Variants in KCNH6 observed in about 807,000 individuals in gnomAD.
KCNH6 encodes potassium voltage-gated channel subfamily H member 6, also known as voltage-gated inwardly rectifying potassium channel KCNH6.
In KCNH6, 81 loss-of-function variants were observed where a neutral mutation model predicts 83.4. The ratio of observed to expected loss-of-function variants is 0.97; its 90% confidence interval spans 0.81 to 1.17. The LOEUF (loss-of-function observed/expected upper bound fraction) is 1.17. KCNH6 is among the 50% of genes most tolerant of loss of function. The pLI is 0.00. For missense variants in KCNH6, 1,203 were observed against 1,290.5 expected (o/e 0.93, Z 1.04); for synonymous variants, 503 against 545.6 (o/e 0.92, Z 1.09).
rs929596321 is a variant in KCNH6 at position 63,534,506 on chromosome 17, C to T, written c.1101+195C>T. Reference sequence around the variant, plus strand: ...GAGAAGGACCTGCCAAGGCTGCACCCCCAGGCCTCTGTCCCTCTGCCCCCT... The same window carrying T: ...GAGAAGGACCTGCCAAGGCTGCACCTCCAGGCCTCTGTCCCTCTGCCCCCT... On this transcript the variant is annotated intron_variant, in intron 5 of 12. Coordinates refer to ENST00000314672, the MANE Select transcript of KCNH6 (RefSeq NM_001278919.2). This position sits in a 1 kb window ranked among gnomAD's most constrained non-coding sequence, Gnocchi z 5.0. 6.6e-6 allele frequency among the ~76,000 whole-genome samples: 1 copy of T among 152,148 alleles called. No homozygotes were observed. The highest frequency in any genetic ancestry group is 2.4e-5 in the African/African-American group (1 of 41,418).
chr17:63,539,497 C>G (rs2147708734), intron 8 of KCNH6, among the ~76,000 whole-genome samples: 1 of 152,334 alleles, frequency 6.6e-6, no homozygotes, highest in African/African-American at 2.4e-5. Context: ...TATTCCATTT[C>G]TTCCTGGGCA....
In KCNH6 at chr17:63,530,486, A is replaced by G. The variant is rs376314530; in HGVS notation, c.619A>G (p.Ile207Val). 6.8e-6 allele frequency: 11 copies of G among 1,613,570 alleles called. No homozygotes were observed. Among genetic ancestry groups the G allele is most frequent in the African/African-American group, 1.3e-5 (1 of 74,938 alleles). Reference protein sequence around the residue: ...RSSSTTEIEIIAPHKVVERTQ... With the variant: ...RSSSTTEIEIVAPHKVVERTQ... ...CAGCTCCACCACGGAGATTGAGATC[A>G]TCGCGCCCCATAAGGTGGTGGAGCG... The change falls in exon 4 of 13, where the codon ATC becomes GTC. Residue 207 changes from isoleucine (I) to valine (V), a missense_variant. Coordinates refer to ENST00000314672, the MANE Select transcript of KCNH6 (RefSeq NM_001278919.2).
intron 6 of KCNH6, among the ~76,000 whole-genome samples, chr17:63,537,186 T>C (rs1333790081): frequency 2.6e-5 from 4 of 152,096 alleles, no homozygotes; most frequent in Admixed American, 2.0e-4. Context: ...GGCACACAGC[T>C]AGGAAATGTC....
In KCNH6 at chr17:63,538,214, G is replaced by T. The variant is rs2032630979; in HGVS notation, c.1651G>T (p.Glu551Ter). 6.2e-7 allele frequency: 1 copy of T among 1,614,100 alleles called. No homozygotes were observed. The highest frequency in any genetic ancestry group is 1.7e-5 in the Admixed American group (1 of 60,008). Residue 551 changes from glutamate (E) to a stop codon, truncating the protein, a stop_gained, in exon 7 of 13, where the codon GAG (glutamate) becomes TAG (stop). Coordinates refer to ENST00000314672, the MANE Select transcript of KCNH6 (RefSeq NM_001278919.2). LOFTEE classifies it high-confidence loss of function. This position sits in a 1 kb window ranked among gnomAD's most constrained non-coding sequence, Gnocchi z 4.0. ...IPNPLRQRLE[E>*]YFQHAWSYTN... ...CAACCCACTGCGCCAGCGCCTGGAG[G>T]AGTATTTCCAGCACGCCTGGTCCTA... is the stretch of plus-strand genomic sequence containing the variant.
At chr17:63,526,347 T>C (rs1191009727) in intron 2 of KCNH6, among the ~76,000 whole-genome samples, 1 of 151,700 alleles carries the variant, frequency 6.6e-6, no homozygotes, top group Non-Finnish European at 1.5e-5. Flanking sequence ...TGTGCTCAGA[T>C]AACTGATGTT....
In KCNH6 at chr17:63,545,123, C is replaced by A. The variant is rs1006996785; in HGVS notation, c.2442C>A (p.Leu814=). 1.9e-6 allele frequency: 3 copies of A among 1,613,668 alleles called. No individual in the cohort carries two copies. The African/African-American group carries it at 4.0e-5, about 22-fold the overall frequency. The change falls in exon 12 of 13, where the codon CTC becomes CTA. Residue 814 remains leucine, a synonymous_variant. Coordinates refer to ENST00000314672, the MANE Select transcript of KCNH6 (RefSeq NM_001278919.2). ...VSSDLSRILQ[L]LQKPMPQGHA... The stretch of plus-strand genomic sequence containing the variant: ...CAGACCTCAGCCGCATCTTGCAGCT[C>A]CTCCAGAAGCCCATGCCCCAGGGCC...
chr17:63,527,222 T>C (rs1158492106), intron 2 of KCNH6, among the ~76,000 whole-genome samples: 1 of 152,200 alleles, frequency 6.6e-6, no homozygotes, highest in African/African-American at 2.4e-5. Context: ...GGCTGCTGTC[T>C]GCCCCCACCC....
In KCNH6 at chr17:63,538,212, A is replaced by C; in HGVS notation, c.1649A>C (p.Glu550Ala). The change falls in exon 7 of 13, where the codon GAG (glutamate) becomes GCG (alanine). Residue 550 changes from glutamate to alanine, a missense_variant. Physicochemically the swap from Glu to Ala is moderately radical, Grantham distance 107. Transcript: ENST00000314672. The surrounding 1 kb of genome is among the most constrained non-coding windows in gnomAD (Gnocchi z 4.0). ...QIPNPLRQRL[E>A]EYFQHAWSYT... is the part of the protein sequence containing the mutation. The stretch of plus-strand genomic sequence containing the variant: ...CCCAACCCACTGCGCCAGCGCCTGG[A>C]GGAGTATTTCCAGCACGCCTGGTCC... 2 of 1,614,148 alleles carry C rather than the reference A, an allele frequency of 1.2e-6. No individual in the cohort carries two copies. Among genetic ancestry groups the C allele is most frequent in the Non-Finnish European group, 1.7e-6 (2 of 1,180,018 alleles).
At chr17:63,543,545 C>T in intron 9 of KCNH6, 31 bp from the exon 10 acceptor site, 1 of 1,439,004 alleles carries the variant, frequency 6.9e-7, no homozygotes, top group East Asian at 2.3e-5. Context: ...AGCTTTGGTT[C>T]CTGTTATTTC....
chr17:63,526,131 A>G (rs2031695243), intron 2 of KCNH6, among the ~76,000 whole-genome samples: 1 of 152,150 alleles, frequency 6.6e-6, no homozygotes, highest in African/African-American at 2.4e-5. Context: ...GGAACCTAGG[A>G]ACCTTGTCTT....
Position 63,523,510 on chromosome 17 carries a change from G to T in KCNH6, c.76+21G>T. 1.3e-6 allele frequency: 2 copies of T among 1,592,834 alleles called. No individual in the cohort carries two copies. The highest frequency in any genetic ancestry group is 1.1e-5 in the South Asian group (1 of 89,696). On this transcript the variant is annotated intron_variant, in intron 1 of 12. Coordinates refer to ENST00000314672, the MANE Select transcript of KCNH6 (RefSeq NM_001278919.2). The surrounding 1 kb of genome is among the most constrained non-coding windows in gnomAD (Gnocchi z 4.2). ...CCAAAGTGAGTGTGTGTATGTTGGG[G>T]CGGGGGGACGATCTGGAGTCCTGGT... is the stretch of plus-strand genomic sequence containing the variant.
rs1456561493 is a variant in KCNH6 at position 63,542,535 on chromosome 17, C to T, written c.2148+101C>T. ...CCAACACCCTTCCTTTCAACCCCAT[C>T]CTGCAACCTTTGCCATAATTTCTTT... On this transcript the variant is annotated intron_variant, in intron 9 of 12. Transcript: ENST00000314672. The T allele has an allele frequency of 5.0e-6, 5 of 992,398 alleles. No individual in the cohort carries two copies. The African/African-American group carries it at 8.0e-5, about 16-fold the overall frequency. 61.5% of individuals were successfully genotyped at this position (992,398 alleles called of 1,614,324 possible). A position where few individuals can be genotyped will look rare whatever the true frequency, so the allele number is the denominator to read the frequency against.
At chr17:63,547,471 TAGC>T (rs2033171316), downstream of KCNH6, among the ~76,000 whole-genome samples, 1 of 410 alleles carries the variant, frequency 2.4e-3, no homozygotes, top group African/African-American at 0.014. Context: ...TCTACCCAAA[TAGC>T]AGCGATTTGA....
In KCNH6 at chr17:63,538,408, A is replaced by G. The variant is rs1836941624; in HGVS notation, c.1702-2A>G. 1 of 1,593,312 alleles carries G rather than the reference A, an allele frequency of 6.3e-7. No individual in the cohort carries two copies. The highest frequency in any genetic ancestry group is 8.5e-7 in the Non-Finnish European group (1 of 1,171,070). On this transcript the variant is annotated splice_acceptor_variant, in intron 7 of 12. Coordinates refer to ENST00000314672, the MANE Select transcript of KCNH6 (RefSeq NM_001278919.2). LOFTEE classifies it high-confidence loss of function. This position sits in a 1 kb window ranked among gnomAD's most constrained non-coding sequence, Gnocchi z 4.0. ...CGCTGGACTTGGCCGCCCGCCTTGC[A>G]GGTGCTGAAGGGCTTCCCCGAGTGC...
At position 63,533,996 on chromosome 17, in the gene KCNH6, C is replaced by T. The variant is rs150172127; in HGVS notation, c.786C>T (p.Leu262=). ...YSPFKAVWDW[L]ILLLVIYTAV... ...CCTTCAAGGCCGTGTGGGACTGGCT[C>T]ATCCTGCTGCTGGTCATCTACACGG... The change falls in exon 5 of 13, where the codon CTC becomes CTT. Residue 262 remains leucine (L), a synonymous_variant. Coordinates refer to ENST00000314672, the MANE Select transcript of KCNH6 (RefSeq NM_001278919.2). The surrounding 1 kb of genome is among the most constrained non-coding windows in gnomAD (Gnocchi z 4.1). 1.8e-5 allele frequency: 29 copies of T among 1,614,020 alleles called. No individual in the cohort carries two copies. Among genetic ancestry groups the T allele is most frequent in the Non-Finnish European group, 2.1e-5 (25 of 1,180,020 alleles).
intron 11 of KCNH6, among the ~76,000 whole-genome samples, 175 bp downstream of exon 11, chr17:63,544,586 G>A (rs961378749): frequency 3.3e-5 from 5 of 151,996 alleles, no homozygotes; most frequent in Admixed American, 2.6e-4. Context: ...GCAAACTCTG[G>A]AACATGCCAA....
In KCNH6 at chr17:63,542,432, G is replaced by A. The variant is rs761260101; in HGVS notation, c.2146G>A (p.Asp716Asn). Reference sequence around the variant, plus strand: ...GCTGGAGGTCACCTTCAACCTGCGGGACGTGAGTCAGGGCCAGGTGGGCCA... The same window carrying A: ...GCTGGAGGTCACCTTCAACCTGCGGAACGTGAGTCAGGGCCAGGTGGGCCA... ...SKLEVTFNLR[D>N]AAGGLHSSPR... The change falls in exon 9 of 13, where the codon GAC (aspartate) becomes AAC (asparagine). Residue 716 changes from aspartate to asparagine, a missense_variant and splice_region_variant. Asp to Asn is a conservative substitution (Grantham distance 23). Transcript: ENST00000314672. 6.2e-7 allele frequency: 1 copy of A among 1,613,758 alleles called. No homozygotes were observed. The highest frequency in any genetic ancestry group is 8.5e-7 in the Non-Finnish European group (1 of 1,179,808).
Position 63,533,956 on chromosome 17 carries a change from T to C in KCNH6, c.746T>C (p.Ile249Thr). Reference sequence around the variant, plus strand: ...GCGCCGCGCATCCACCGCTGGACCATCCTGCACTACAGCCCCTTCAAGGCC... The same window carrying C: ...GCGCCGCGCATCCACCGCTGGACCACCCTGCACTACAGCCCCTTCAAGGCC... ...LQAPRIHRWT[I>T]LHYSPFKAVW... Residue 249 changes from isoleucine (I) to threonine (T), a missense_variant, in exon 5 of 13, where the codon ATC (isoleucine) becomes ACC (threonine). By Grantham distance (89) the Ile-to-Thr change is moderately conservative (BLOSUM62 -1). Transcript: ENST00000314672. The surrounding 1 kb of genome is among the most constrained non-coding windows in gnomAD (Gnocchi z 4.1). The C allele has an allele frequency of 1.9e-6, 3 of 1,614,118 alleles. No homozygotes were observed. Among genetic ancestry groups the C allele is most frequent in the Non-Finnish European group, 2.5e-6 (3 of 1,179,998 alleles).
At position 63,524,175 on chromosome 17, in the gene KCNH6, A is replaced by G; in HGVS notation, c.113A>G (p.Asn38Ser). ...KFLIANAQME[N>S]CAIIYCNDGF... ...CTGATTGCCAATGCTCAGATGGAGA[A>G]CTGCGCCATCATTTACTGCAACGAC... is the stretch of plus-strand genomic sequence containing the variant. The change falls in exon 2 of 13, where the codon AAC becomes AGC. Residue 38 changes from asparagine to serine, a missense_variant. Transcript: ENST00000314672. 1 of 1,614,144 alleles carries G rather than the reference A, an allele frequency of 6.2e-7. No individual in the cohort carries two copies. The highest frequency in any genetic ancestry group is 8.5e-7 in the Non-Finnish European group (1 of 1,180,018).
Sources: allele counts gnomAD v4.1 joint callset (sites outside exome capture counted in the v4.1 genomes callset), GRCh38; gene constraint gnomAD v4.1.1; non-coding constraint Gnocchi (gnomAD v3.1); transcripts MANE v1.5; gene names NCBI Gene and HGNC (gene_info 2026-07-23, HGNC 2026-07-21).